The following UGT2A3 variants were observed in gnomAD, a reference collection of about 807,000 sequenced individuals.
UGT2A3 encodes the protein UDP-glucuronosyltransferase 2A3.
Under a neutral mutation model 44.1 loss-of-function variants are expected in UGT2A3, and 55 were observed. The ratio of observed to expected loss-of-function variants is 1.25; its 90% CI spans 1.00 to 1.56. UGT2A3 has a LOEUF of 1.56. Among genes scored for constraint, UGT2A3 ranks in the 40% most tolerant of loss-of-function variants. UGT2A3 has a pLI of 0.00. For missense variants in UGT2A3, 733 were observed against 621.6 expected (o/e 1.18, Z -1.91); for synonymous variants, 243 against 215.1 (o/e 1.13, Z -1.13).
chr4:68,941,253 A>G (rs1718176668), intron 2 of UGT2A3, among the ~76,000 whole-genome samples: 1 of 151,794 alleles, frequency 6.6e-6, no homozygotes, highest in Non-Finnish European at 1.5e-5. Context: ...CTTGTACAGT[A>G]TGCAGAACTA....
At chr4:68,935,381 C>A (rs1717910328) in intron 2 of UGT2A3, among the ~76,000 whole-genome samples, 1 of 146,922 alleles carries the variant, frequency 6.8e-6, no homozygotes, top group Non-Finnish European at 1.5e-5. Flanking sequence ...GCAGTATTTG[C>A]TGTTCTGCAG....
chr4:68,938,381 G>A (rs894438477), intron 2 of UGT2A3, among the ~76,000 whole-genome samples: 39 of 151,960 alleles, frequency 2.6e-4, no homozygotes, highest in African/African-American at 8.9e-4. Context: ...CTTCATCCCC[G>A]GAGGCAAGTC....
At chr4:68,940,780 T>A (rs1718155704) in intron 2 of UGT2A3, among the ~76,000 whole-genome samples, 1 of 146,128 alleles carries the variant, frequency 6.8e-6, no homozygotes. Context: ...TACATATATA[T>A]AATATATATA....
rs756169010 is a variant in UGT2A3 at position 68,930,758 on chromosome 4, G to T, written c.1092C>A (p.Pro364=). ...CATGAGTGATAAAAGCTTTGGTTTT[G>T]GGATGACCTAGTATGTAAATTGGAT... ...WIPQNDLLGH[P]KTKAFITHGG... is the part of the protein sequence containing the mutation. The change falls in exon 5 of 6, where the codon CCC becomes CCA. Residue 364 remains proline, a synonymous_variant. Transcript: ENST00000251566. 6.3e-7 allele frequency: 1 copy of T among 1,591,482 alleles called. No homozygotes were observed. The highest frequency in any genetic ancestry group is 1.8e-5 in the Admixed American group (1 of 54,948).
At chr4:68,942,579 A>G (rs1718241235) in intron 2 of UGT2A3, among the ~76,000 whole-genome samples, 1 of 148,354 alleles carries the variant, frequency 6.7e-6, no homozygotes. Context: ...CATTAAATAT[A>G]TATTGGAAAA....
Position 68,951,073 on chromosome 4 carries a change from A to G in UGT2A3, c.688T>C (p.Trp230Arg). The G allele has an allele frequency of 1.3e-6, 2 of 1,592,698 alleles. No homozygotes were observed. Residue 230 changes from tryptophan (W) to arginine (R), a missense_variant, in exon 1 of 6, where the codon TGG (tryptophan) becomes CGG (arginine). Coordinates refer to ENST00000251566, the MANE Select transcript of UGT2A3 (RefSeq NM_024743.4). Reference sequence around the variant, plus strand: ...AATGCCTTACTATAAAACTCTTCCCAAAAATGATAGTCGTAATCCTGAATC... The same window carrying G: ...AATGCCTTACTATAAAACTCTTCCCGAAAATGATAGTCGTAATCCTGAATC... ...FWIQDYDYHF[W>R]EEFYSKALGR...
At position 68,929,199 on chromosome 4, in the gene UGT2A3, AG is replaced by A; in HGVS notation, c.*613del. On this transcript the variant is annotated 3_prime_UTR_variant, in exon 6 of 6. Coordinates refer to ENST00000251566, the MANE Select transcript of UGT2A3 (RefSeq NM_024743.4). The stretch of plus-strand genomic sequence containing the variant: ...TTTTATCATCAAGAAAACAGAAAAA[AG>A]TATTGGTTGAGTGATGGCAGAAATG... The A allele has an allele frequency of 6.6e-6, 1 of 152,238 alleles. No individual in the cohort carries two copies. The highest frequency in any genetic ancestry group is 1.5e-5 in the Non-Finnish European group (1 of 67,990). 9.4% of individuals were successfully genotyped at this position (152,238 alleles called of 1,614,324 possible).
intron 2 of UGT2A3, among the ~76,000 whole-genome samples, chr4:68,935,572 A>G (rs1018864664): frequency 9.9e-5 from 15 of 151,874 alleles, no homozygotes; most frequent in Non-Finnish European, 1.9e-4. Flanking sequence ...AACATCAAAG[A>G]CCAAAGGTAG....
chr4:68,949,850 T>C (rs1343984159), intron 1 of UGT2A3, among the ~76,000 whole-genome samples: 1 of 151,868 alleles, frequency 6.6e-6, no homozygotes, highest in Non-Finnish European at 1.5e-5. Context: ...AAGTTGGAGC[T>C]ACATAATAAA....
Position 68,929,966 on chromosome 4 carries a change from A to T in UGT2A3, c.1431T>A (p.Ala477=). The T allele has an allele frequency of 6.2e-7, 1 of 1,613,692 alleles. No homozygotes were observed. Among genetic ancestry groups the T allele is most frequent in the Non-Finnish European group, 8.5e-7 (1 of 1,179,686 alleles). Reference sequence around the variant, plus strand: ...GCTGGAACCAGGTGAGGTCATGGGCAGCTGATCGCAGGTGCTTGGCTCCTT... The same window carrying T: ...GCTGGAACCAGGTGAGGTCATGGGCTGCTGATCGCAGGTGCTTGGCTCCTT... ...RHKGAKHLRS[A]AHDLTWFQHY... is the part of the protein sequence containing the mutation. Residue 477 remains alanine, a synonymous_variant, in exon 6 of 6, where the codon GCT becomes GCA. Transcript: ENST00000251566.
intron 2 of UGT2A3, among the ~76,000 whole-genome samples, chr4:68,940,687 A>G (rs1718150973): frequency 6.7e-6 from 1 of 149,266 alleles, no homozygotes. Context: ...CTTGAACTTA[A>G]AGTATTTTAT....
intron 2 of UGT2A3, among the ~76,000 whole-genome samples, chr4:68,935,678 C>T (rs1209247637): frequency 6.6e-6 from 1 of 152,004 alleles, no homozygotes; most frequent in African/African-American, 2.4e-5. Flanking sequence ...CAGCTCCTCA[C>T]CAGCAATGGA....
chr4:68,929,783 C>G lies in UGT2A3; in HGVS notation c.*30G>C. On this transcript the variant is annotated 3_prime_UTR_variant, in exon 6 of 6. Coordinates refer to ENST00000251566, the MANE Select transcript of UGT2A3 (RefSeq NM_024743.4). The stretch of plus-strand genomic sequence containing the variant: ...TGTGGCTGGAATTAACAGGATTACC[C>G]CATCAGGTCTTTCTTGAATTTGGAA... 1.3e-6 allele frequency: 2 copies of G among 1,521,664 alleles called. No homozygotes were observed. Among genetic ancestry groups the G allele is most frequent in the South Asian group, 1.3e-5 (1 of 76,104 alleles). The allele number at this position is 1,521,664 out of a possible 1,614,324, so 94.3% of individuals were successfully genotyped here. A position where few individuals can be genotyped will look rare whatever the true frequency, so the allele number is the denominator to read the frequency against.
At chr4:68,942,325 C>A (rs1718217837) in intron 2 of UGT2A3, among the ~76,000 whole-genome samples, 1 of 140,094 alleles carries the variant, frequency 7.1e-6, no homozygotes, top group African/African-American at 2.6e-5. Flanking sequence ...AAATATCTCT[C>A]TCTCTCTCTC....
Position 68,930,546 on chromosome 4 carries a change from G to C in UGT2A3, c.1304C>G (p.Ser435Cys). The change falls in exon 5 of 6, where the codon TCT (serine) becomes TGT (cysteine). Residue 435 changes from serine to cysteine, a missense_variant and splice_region_variant. By Grantham distance (112) the Ser-to-Cys change is moderately radical. Transcript: ENST00000251566. ...RALRTVITDS[S>C]YKENAMRLSR... ...AGTCTGTACAAGCAGTAGTACTTAC[G>C]AGGAATCGGTAATGACTGTTCTCAA... 1 of 1,605,492 alleles carries C rather than the reference G, an allele frequency of 6.2e-7. No homozygotes were observed. The highest frequency in any genetic ancestry group is 8.5e-7 in the Non-Finnish European group (1 of 1,175,558).
chr4:68,930,879 C>A (rs888467608), intron 4 of UGT2A3, 114 bp from the exon 5 acceptor site: 1 of 935,304 alleles, frequency 1.1e-6, no homozygotes. Flanking sequence ...ACAGCACTTT[C>A]TTTAGAAGGT....
At chr4:68,941,953 A>G (rs967229236) in intron 2 of UGT2A3, among the ~76,000 whole-genome samples, 1 of 151,882 alleles carries the variant, frequency 6.6e-6, no homozygotes, top group Non-Finnish European at 1.5e-5. Context: ...CACCCCTGTT[A>G]TGGCTATTAT....
intron 2 of UGT2A3, among the ~76,000 whole-genome samples, chr4:68,933,265 A>G (rs1717808069): frequency 6.6e-6 from 1 of 152,070 alleles, no homozygotes; most frequent in Non-Finnish European, 1.5e-5. Flanking sequence ...ATCCATGACC[A>G]GAAAGAAGAA....
chr4:68,949,734 T>C (rs998936877), intron 1 of UGT2A3, among the ~76,000 whole-genome samples: 3 of 151,922 alleles, frequency 2.0e-5, no homozygotes, highest in Non-Finnish European at 4.4e-5. Context: ...AATCCTTGAA[T>C]TGAAATTGAC....
Sources: gnomAD v4.1 joint callset for allele counts (sites outside exome capture counted in the v4.1 genomes callset) on GRCh38, gnomAD v4.1.1 for gene constraint, MANE v1.5 for transcripts, NCBI Gene and HGNC (gene_info 2026-07-23, HGNC 2026-07-21) for gene names.